Variants in NPAS3 observed in about 807,000 individuals in gnomAD.
NPAS3 encodes neuronal PAS domain-containing protein 3.
NPAS3 carries 14 observed loss-of-function variants against 73.1 expected under a neutral mutation model. That is an observed-to-expected ratio of 0.19 (90% CI 0.13 to 0.30). The LOEUF (loss-of-function observed/expected upper bound fraction) is 0.30, where lower values mean the gene tolerates loss of function less well. Ranked by LOEUF, NPAS3 falls within the 10% of genes least tolerant of loss-of-function variation. NPAS3 has a pLI of 1.00. For missense variants in NPAS3, 1,096 were observed against 1,250.0 expected (o/e 0.88, Z 1.86); for synonymous variants, 620 against 541.5 (o/e 1.14, Z -2.01).
chr14:32,961,694 T>G (rs1258939556), intron 1 of NPAS3, among the ~76,000 whole-genome samples: 1 of 152,182 alleles, frequency 6.6e-6, no homozygotes, highest in Non-Finnish European at 1.5e-5. Flanking sequence ...TCAGTCACCA[T>G]GCTGAGAGCT....
intron 2 of NPAS3, among the ~76,000 whole-genome samples, chr14:33,201,597 C>T (rs139226213): frequency 0.02 from 3,021 of 152,296 alleles, 37 homozygotes; most frequent in Middle Eastern, 0.037. Context: ...TCATGTATAG[C>T]GTCCTGTGAC....
intron 2 of NPAS3, among the ~76,000 whole-genome samples, chr14:33,073,959 G>T (rs1258496573): frequency 6.6e-6 from 1 of 152,188 alleles, no homozygotes; most frequent in Non-Finnish European, 1.5e-5. Flanking sequence ...AACATGGGGT[G>T]GGGTAGAGGC....
intron 2 of NPAS3, among the ~76,000 whole-genome samples, chr14:33,200,229 AC>A (rs1224019554): frequency 1.3e-5 from 2 of 151,500 alleles, no homozygotes; most frequent in African/African-American, 4.8e-5. Flanking sequence ...AACCGCAGTT[AC>A]TTTTGCACCA....
At chr14:33,673,615 T>C (rs774470791) in intron 5 of NPAS3, among the ~76,000 whole-genome samples, 9 of 152,230 alleles carry the variant, frequency 5.9e-5, no homozygotes, top group Non-Finnish European at 8.8e-5. Flanking sequence ...ATAGTTTCAC[T>C]AGATTTTCAA....
intron 10 of NPAS3, among the ~76,000 whole-genome samples, chr14:33,794,871 C>T (rs1262749162): frequency 6.6e-6 from 1 of 152,174 alleles, no homozygotes; most frequent in Non-Finnish European, 1.5e-5. Flanking sequence ...CAATCCTGCA[C>T]TTGGCCTGGC....
intron 7 of NPAS3, among the ~76,000 whole-genome samples, chr14:33,752,944 G>A (rs2062007101): frequency 6.6e-6 from 1 of 152,098 alleles, no homozygotes; most frequent in Admixed American, 6.5e-5. Flanking sequence ...AGATACCAAT[G>A]TAATCTTTTA....
chr14:33,411,145 C>G (rs549248433), intron 4 of NPAS3, among the ~76,000 whole-genome samples: 3 of 152,258 alleles, frequency 2.0e-5, no homozygotes, highest in African/African-American at 7.2e-5. Flanking sequence ...GGGACTGTGA[C>G]CTCCAGGAGA....
chr14:33,663,590 C>T (rs986758698), intron 5 of NPAS3, among the ~76,000 whole-genome samples: 1 of 152,060 alleles, frequency 6.6e-6, no homozygotes, highest in Non-Finnish European at 1.5e-5. Flanking sequence ...GTCTCTCTTT[C>T]TATTGTTTGG....
rs1442529385 is a variant in NPAS3, at chr14:33,091,953, G to A, written c.140+35959G>A. 2.6e-5 allele frequency among the ~76,000 whole-genome samples: 4 copies of A among 152,104 alleles called. No homozygotes were observed. In the South Asian group the frequency reaches 6.2e-4, roughly 24 times the overall value. ...ATGCTAAAAACTCTTAATAAATTAG[G>A]TATTGATGGGATGTATCTCAAAATA... On this transcript the variant is annotated intron_variant, in intron 2 of 11. Coordinates refer to ENST00000356141, the Ensembl canonical transcript of NPAS3.
At chr14:33,232,872 A>C (rs1345054113) in intron 3 of NPAS3, among the ~76,000 whole-genome samples, 1 of 152,150 alleles carries the variant, frequency 6.6e-6, no homozygotes, top group African/African-American at 2.4e-5. Flanking sequence ...GGTTTCTCAG[A>C]GACATTACAA....
chr14:33,255,127 T>G lies in NPAS3; in HGVS notation c.385+39701T>G, dbSNP rs143776991. The stretch of plus-strand genomic sequence containing the variant: ...GTTCTTGTTCAGTAATATGTTTCTT[T>G]CCAACCCTAGCATGTGATGGCTAAC... On this transcript the variant is annotated intron_variant, in intron 3 of 11. Coordinates refer to ENST00000356141, the Ensembl canonical transcript of NPAS3. Among the ~76,000 whole-genome samples the G allele has an allele frequency of 1.1e-4, 16 of 152,334 alleles. No homozygotes were observed. In the East Asian group the frequency reaches 2.9e-3, roughly 27 times the overall value.
intron 3 of NPAS3, among the ~76,000 whole-genome samples, chr14:33,307,184 T>G (rs921030989): frequency 6.6e-6 from 1 of 152,196 alleles, no homozygotes; most frequent in African/African-American, 2.4e-5. Context: ...ATAATGTCAC[T>G]TTACAATTAT....
At chr14:33,557,325 C>T (rs1283313557) in intron 4 of NPAS3, among the ~76,000 whole-genome samples, 1 of 152,138 alleles carries the variant, frequency 6.6e-6, no homozygotes, top group Non-Finnish European at 1.5e-5. Context: ...CAAAGGTGGC[C>T]AGGTAACCTC....
chr14:33,234,480 C>A (rs1327627890), intron 3 of NPAS3, among the ~76,000 whole-genome samples: 1 of 152,110 alleles, frequency 6.6e-6, no homozygotes, highest in Admixed American at 6.6e-5. Context: ...TTTTCCTTAG[C>A]ACTTTTAATG....
intron 6 of NPAS3, among the ~76,000 whole-genome samples, chr14:33,729,784 C>A (rs1047473928): frequency 6.6e-6 from 1 of 152,082 alleles, no homozygotes; most frequent in African/African-American, 2.4e-5. Context: ...AGCAGGTCAC[C>A]AAGTTTAGCC....
chr14:33,565,838 A>G (rs550952070), intron 5 of NPAS3, among the ~76,000 whole-genome samples: 94 of 152,286 alleles, frequency 6.2e-4, no homozygotes, highest in Admixed American at 1.2e-3. Context: ...ATGAATGCAA[A>G]TACTGCTTTA....
At chr14:33,256,941 G>A (rs774898314) in intron 3 of NPAS3, among the ~76,000 whole-genome samples, 3 of 152,148 alleles carry the variant, frequency 2.0e-5, no homozygotes, top group Non-Finnish European at 2.9e-5. Context: ...CCCCTAGAAG[G>A]CAAGGTGACA....
intron 2 of NPAS3, among the ~76,000 whole-genome samples, chr14:33,073,100 G>A (rs534109676): frequency 1.6e-4 from 24 of 152,190 alleles, no homozygotes; most frequent in East Asian, 3.9e-4. Flanking sequence ...CAAATTGGTC[G>A]TGTTTTATTT....
chr14:33,685,499 C>G (rs1271030117), intron 6 of NPAS3, among the ~76,000 whole-genome samples: 5 of 151,532 alleles, frequency 3.3e-5, no homozygotes, highest in Non-Finnish European at 5.9e-5. Flanking sequence ...AACACTGCTC[C>G]TGCTGCATGA....
Sources: gnomAD v4.1 joint callset for allele counts (sites outside exome capture counted in the v4.1 genomes callset) on GRCh38, gnomAD v4.1.1 for gene constraint, MANE v1.5 for transcripts, NCBI Gene and HGNC (gene_info 2026-07-23, HGNC 2026-07-21) for gene names.